Variants in SLIT1 observed in about 807,000 individuals in gnomAD.
SLIT1 encodes slit homolog 1 protein.
In SLIT1, 66 loss-of-function variants were observed where a neutral mutation model predicts 186.1. The observed-to-expected ratio is 0.35, with a 90% confidence interval of 0.29 to 0.44. The LOEUF (loss-of-function observed/expected upper bound fraction) is 0.44, where lower values mean the gene tolerates loss of function less well. Among genes scored for constraint, SLIT1 ranks in the 20% least tolerant of loss-of-function variants. The pLI is 1.00. For missense variants in SLIT1, 1,638 were observed against 2,037.4 expected, an observed-to-expected ratio of 0.80 and a Z score of 3.77; for synonymous variants, 761 against 833.8, an observed-to-expected ratio of 0.91 and a Z score of 1.50.
chr10:97,145,337 C>T (rs985184731), intron 4 of SLIT1, among the ~76,000 whole-genome samples: 4 of 152,206 alleles, frequency 2.6e-5, no homozygotes, highest in South Asian at 2.1e-4. Context: ...GGGATGGTCT[C>T]GAACTCCTGA....
At chr10:97,165,051 G>A (rs1850085607) in intron 1 of SLIT1, among the ~76,000 whole-genome samples, 161 bp from the exon 2 acceptor site, 1 of 152,094 alleles carries the variant, frequency 6.6e-6, no homozygotes, top group South Asian at 2.1e-4. Context: ...CCAACAAGCT[G>A]GGCCCTCTTC....
At chr10:97,092,827 C>T (rs1849247448) in intron 4 of SLIT1, among the ~76,000 whole-genome samples, 1 of 152,258 alleles carries the variant, frequency 6.6e-6, no homozygotes, top group Middle Eastern at 3.2e-3. Context: ...GTAACCAACA[C>T]CTACTGAGTC....
At chr10:97,008,720 C>G (rs1554844111) in intron 31 of SLIT1, among the ~76,000 whole-genome samples, 2 of 149,506 alleles carry the variant, frequency 1.3e-5, no homozygotes, top group Non-Finnish European at 3.0e-5. Context: ...AAAGGGAATA[C>G]TACCTAAATT....
At chr10:97,067,858 C>A (rs923428129) in intron 4 of SLIT1, among the ~76,000 whole-genome samples, 1 of 152,190 alleles carries the variant, frequency 6.6e-6, no homozygotes, top group Non-Finnish European at 1.5e-5. Flanking sequence ...GGTGCCCTTC[C>A]TTTCAGCCCC....
At chr10:97,014,217 T>A in intron 28 of SLIT1, 59 bp from the exon 29 acceptor site, 1 of 1,579,022 alleles carries the variant, frequency 6.3e-7, no homozygotes, top group Non-Finnish European at 8.6e-7. Context: ...TGGAAGCCTG[T>A]GGCTGCCGGT....
Position 97,013,804 on chromosome 10 carries a change from C to T in SLIT1, c.3140G>A (p.Cys1047Tyr). 2 of 1,551,648 alleles carry T rather than the reference C, an allele frequency of 1.3e-6. No homozygotes were observed. The highest frequency in any genetic ancestry group is 1.4e-5 in the African/African-American group (1 of 73,174). ...GKACEQLVDL[C>Y]SPDLNPCQHE... is the part of the protein sequence containing the mutation. ...TTGACATGGGTTCAGATCCGGAGAG[C>T]ACAAGTCCACCAGCTGCTCACAGGC... The change falls in exon 30 of 37, where the codon TGC becomes TAC. Residue 1047 changes from cysteine to tyrosine, a missense_variant. Physicochemically the swap from Cys to Tyr is radical, Grantham distance 194 (BLOSUM62 -2). This residue lies in a region of SLIT1 where 1,245 missense variants were observed against 1,535.3 expected (regional missense o/e 0.81). Transcript: ENST00000266058.
At chr10:97,142,644 G>C (rs996364212) in intron 4 of SLIT1, among the ~76,000 whole-genome samples, 1 of 152,104 alleles carries the variant, frequency 6.6e-6, no homozygotes, top group Non-Finnish European at 1.5e-5. Flanking sequence ...TTAAAACCAT[G>C]TTTGTCAAAG....
rs1372469110 is a variant in SLIT1, at chr10:97,002,253, C to T, written c.4271G>A (p.Gly1424Asp). 2 of 1,601,944 alleles carry T rather than the reference C, an allele frequency of 1.2e-6. No homozygotes were observed. The highest frequency in any genetic ancestry group is 4.5e-5 in the East Asian group (2 of 44,414). ...QAGALAEPCR[G>D]LQCLHGHCQA... ...GCAGTGGCCATGCAGGCACTGCAGG[C>T]CTCTGCAGGGCTCTGCCAGGGCCCC... The change falls in exon 36 of 37, where the codon GGC becomes GAC. Residue 1424 changes from glycine (G) to aspartate (D), a missense_variant. Physicochemically the swap from Gly to Asp is moderately conservative, Grantham distance 94 (BLOSUM62 -1). Coordinates refer to ENST00000266058, the MANE Select transcript of SLIT1 (RefSeq NM_003061.3).
chr10:97,123,000 G>A (rs1450885688), intron 4 of SLIT1, among the ~76,000 whole-genome samples: 1 of 152,188 alleles, frequency 6.6e-6, no homozygotes, highest in African/African-American at 2.4e-5. Flanking sequence ...AAGGAAAAGG[G>A]GCTAATGTTT....
At chr10:97,099,831 A>G (rs1701238084) in intron 4 of SLIT1, among the ~76,000 whole-genome samples, 1 of 152,198 alleles carries the variant, frequency 6.6e-6, no homozygotes, top group Non-Finnish European at 1.5e-5. Context: ...GAATTTATAC[A>G]TGAAAATCAG....
rs1157706249 is a variant in SLIT1 at position 97,021,216 on chromosome 10, C to G, written c.2746+34G>C. ...GCAGTGTTGGGCAAGTTCTGTGAGC[C>G]CCCAGCAGCAGGAGGCTGTGCTCCT... On this transcript the variant is annotated intron_variant, in intron 26 of 36. Coordinates refer to ENST00000266058, the MANE Select transcript of SLIT1 (RefSeq NM_003061.3). The surrounding 1 kb of genome is among the most constrained non-coding windows in gnomAD (Gnocchi z 4.5). The G allele has an allele frequency of 1.3e-6, 2 of 1,599,914 alleles. No homozygotes were observed. The highest frequency in any genetic ancestry group is 1.7e-6 in the Non-Finnish European group (2 of 1,172,682).
chr10:97,161,727 G>A (rs1290817794), intron 3 of SLIT1, among the ~76,000 whole-genome samples: 2 of 152,206 alleles, frequency 1.3e-5, no homozygotes, highest in Admixed American at 6.5e-5. Flanking sequence ...GCAGTGAGCC[G>A]AGATTGCGCC....
rs1254911885 is a variant in SLIT1, at chr10:97,030,831, G to A, written c.2511-3C>T. ...AGATGTCATTGCCGTGGAGAGACCT[G>A]AGAAGGGAAGAGGCTGCTGGTGCCT... On this transcript the variant is annotated splice_polypyrimidine_tract_variant and splice_region_variant and intron_variant, in intron 24 of 36. Transcript: ENST00000266058. 6.2e-7 allele frequency: 1 copy of A among 1,613,586 alleles called. No individual in the cohort carries two copies. Among genetic ancestry groups the A allele is most frequent in the Admixed American group, 1.7e-5 (1 of 60,020 alleles).
Position 97,043,490 on chromosome 10 carries a change from C to T in SLIT1, c.1877G>A (p.Ser626Asn), listed in dbSNP as rs751929793. 1.2e-5 allele frequency: 20 copies of T among 1,613,678 alleles called. No homozygotes were observed. Among genetic ancestry groups the T allele is most frequent in the Non-Finnish European group, 1.5e-5 (18 of 1,179,992 alleles). Residue 626 changes from serine (S) to asparagine (N), a missense_variant, in exon 19 of 37, where the codon AGC becomes AAC. Around this residue, in one of 3 missense-constraint regions of SLIT1, gnomAD observed 1,245 missense variants for 1,535.3 expected, o/e 0.81. Transcript: ENST00000266058. The surrounding 1 kb of genome is among the most constrained non-coding windows in gnomAD (Gnocchi z 7.0). Reference sequence around the variant, plus strand: ...CGTGAAGCTGTCGTTGTGGATGCAGCTGATGCGGTTGTTCCGCAGCATTCT... The same window carrying T: ...CGTGAAGCTGTCGTTGTGGATGCAGTTGATGCGGTTGTTCCGCAGCATTCT... ...RTLMLRNNRISCIHNDSFTGL... is the reference protein window; with the variant it reads ...RTLMLRNNRINCIHNDSFTGL...
At chr10:97,087,897 T>C (rs991455668) in intron 4 of SLIT1, among the ~76,000 whole-genome samples, 1 of 152,170 alleles carries the variant, frequency 6.6e-6, no homozygotes, top group African/African-American at 2.4e-5. Flanking sequence ...AAAGCCTTGC[T>C]ACCCAAAGTT....
intron 4 of SLIT1, among the ~76,000 whole-genome samples, chr10:97,066,433 C>T (rs959256489): frequency 4.6e-5 from 7 of 152,262 alleles, no homozygotes; most frequent in South Asian, 2.1e-4. Flanking sequence ...TATTTGGCCC[C>T]GCCCAAATCT....
chr10:97,064,911 A>G, intron 5 of SLIT1, 35 bp from the exon 6 acceptor site: 1 of 1,571,062 alleles, frequency 6.4e-7, no homozygotes, highest in Non-Finnish European at 8.7e-7. Context: ...AGAGAAGGGC[A>G]CATTGCCTAG....
At position 97,022,503 on chromosome 10, in the gene SLIT1, TG is replaced by T. The variant is rs1332433585; in HGVS notation, c.2583-1091del. Reference sequence around the variant, plus strand: ...TGAAGGCACATTCCTGTGTTACTGATGGGGGTGCAAAATAGTAGAGCGCCTG... The same window carrying T: ...TGAAGGCACATTCCTGTGTTACTGATGGGGTGCAAAATAGTAGAGCGCCTG... On this transcript the variant is annotated intron_variant, in intron 25 of 36. Coordinates refer to ENST00000266058, the MANE Select transcript of SLIT1 (RefSeq NM_003061.3). The surrounding 1 kb of genome is among the most constrained non-coding windows in gnomAD (Gnocchi z 4.2). Among the ~76,000 whole-genome samples, 1 of 152,164 alleles carries T rather than the reference TG, an allele frequency of 6.6e-6. No homozygotes were observed. Among genetic ancestry groups the T allele is most frequent in the Non-Finnish European group, 1.5e-5 (1 of 68,018 alleles).
intron 6 of SLIT1, 126 bp downstream of exon 6, chr10:97,064,679 G>T: frequency 1.5e-6 from 1 of 680,374 alleles, no homozygotes; most frequent in Non-Finnish European, 2.6e-6. Flanking sequence ...CCTCCTCCGA[G>T]GTGATTCTAG....
Sources: gnomAD v4.1 joint callset for allele counts (sites outside exome capture counted in the v4.1 genomes callset) on GRCh38, gnomAD v4.1.1 for gene constraint, gnomAD v4.1.1 regional missense constraint, Gnocchi (gnomAD v3.1) non-coding constraint, MANE v1.5 for transcripts, NCBI Gene and HGNC (gene_info 2026-07-23, HGNC 2026-07-21) for gene names.